The following CACNG2 variants were observed in gnomAD, a reference collection of about 807,000 sequenced individuals.
CACNG2 encodes the protein calcium voltage-gated channel auxiliary subunit gamma 2, also known as voltage-dependent calcium channel gamma-2 subunit.
In CACNG2, 3 loss-of-function variants were observed where a neutral mutation model predicts 25.9. The observed-to-expected ratio is 0.12, with a 90% CI of 0.05 to 0.30. The LOEUF is 0.30. Ranked by LOEUF, CACNG2 falls within the 10% of genes least tolerant of loss-of-function variation. The probability of loss-of-function intolerance (pLI) is 1.00; values close to 1 mark genes in which losing one functional copy is unlikely to be tolerated. For synonymous variants in CACNG2, 167 were observed against 173.3 expected, an observed-to-expected ratio of 0.96 and a Z score of 0.29; for missense variants, 341 against 432.5, an observed-to-expected ratio of 0.79 and a Z score of 1.88.
Position 36,622,149 on chromosome 22 carries a change from C to T in CACNG2, c.212-34601G>A, listed in dbSNP as rs534836567. 1.9e-4 allele frequency among the ~76,000 whole-genome samples: 29 copies of T among 152,334 alleles called. 1 individual carries two copies. In the South Asian group the frequency reaches 2.5e-3, roughly 13 times the overall value. On this transcript the variant is annotated intron_variant, in intron 1 of 3. Transcript: ENST00000300105. The stretch of plus-strand genomic sequence containing the variant: ...ACTTGTGCACACTTGTTTAGCTAGT[C>T]GGTGGAGGGGCAGGATTCAGACCTG...
intron 1 of CACNG2, among the ~76,000 whole-genome samples, chr22:36,654,008 GTGTGTT>G (rs1273600479): frequency 1.4e-4 from 21 of 149,044 alleles, no homozygotes; most frequent in Non-Finnish European, 2.5e-4. Flanking sequence ...GTGTGTGTGT[GTGTGTT>G]TATGTATGTG....
chr22:36,586,675 C>T (rs1052800049), intron 2 of CACNG2, among the ~76,000 whole-genome samples: 5 of 152,176 alleles, frequency 3.3e-5, no homozygotes, highest in South Asian at 2.1e-4. Flanking sequence ...GGAGCAGAGG[C>T]GGGGTTGCTC....
chr22:36,680,929 TCTGATTCTGGC>T (rs1276869932), intron 1 of CACNG2, among the ~76,000 whole-genome samples: 5 of 151,792 alleles, frequency 3.3e-5, no homozygotes, highest in Non-Finnish European at 7.4e-5. Flanking sequence ...TCTGAAAAAC[TCTGATTCTGGC>T]CTTTATGTCT....
At chr22:36,610,669 CG>C (rs1935926108) in intron 1 of CACNG2, among the ~76,000 whole-genome samples, 1 of 152,192 alleles carries the variant, frequency 6.6e-6, no homozygotes, top group African/African-American at 2.4e-5. Context: ...GATGAGAAAG[CG>C]GGGCCACCTC....
intron 1 of CACNG2, among the ~76,000 whole-genome samples, chr22:36,588,243 T>C (rs1935535221): frequency 6.6e-6 from 1 of 152,182 alleles, no homozygotes; most frequent in South Asian, 2.1e-4. Flanking sequence ...CTGAACTATC[T>C]GAGCAAGTGC....
intron 2 of CACNG2, among the ~76,000 whole-genome samples, chr22:36,573,757 C>T (rs1340849101): frequency 6.6e-6 from 1 of 152,204 alleles, no homozygotes; most frequent in East Asian, 1.9e-4. Flanking sequence ...CTAACCACTG[C>T]ATTCCCTTCT....
At chr22:36,594,909 CATGT>C (rs1355511967) in intron 1 of CACNG2, among the ~76,000 whole-genome samples, 21 of 129,810 alleles carry the variant, frequency 1.6e-4, no homozygotes, top group African/African-American at 5.9e-4. Context: ...TGTGTGTGTG[CATGT>C]GTGTGTCTGT....
rs775453133 is a variant in CACNG2, at chr22:36,562,212, G to A, written c.*2139C>T. 96 of 152,842 alleles carry A rather than the reference G, an allele frequency of 6.3e-4. No individual in the cohort carries two copies. The highest frequency in any genetic ancestry group is 1.3e-3 in the Admixed American group (20 of 15,288). 9.5% of individuals were successfully genotyped at this position (152,842 alleles called of 1,614,324 possible). ...GGAGGTATATGGTGTGTGTGTGTGTGTGTGTCTGAGAGGCTGACTGATGAT... is the reference window on the plus strand; with the variant it reads ...GGAGGTATATGGTGTGTGTGTGTGTATGTGTCTGAGAGGCTGACTGATGAT... On this transcript the variant is annotated 3_prime_UTR_variant, in exon 4 of 4. Transcript: ENST00000300105.
At chr22:36,585,242 T>C (rs533277492) in intron 2 of CACNG2, 2 of 152,126 alleles carry the variant, frequency 1.3e-5, no homozygotes, top group Non-Finnish European at 1.5e-5. Flanking sequence ...ACCAGTGACA[T>C]TGCAGCAAAG....
chr22:36,659,551 T>G (rs900168253), intron 1 of CACNG2, among the ~76,000 whole-genome samples: 1 of 150,594 alleles, frequency 6.6e-6, no homozygotes, highest in Non-Finnish European at 1.5e-5. Flanking sequence ...AAACCCAGGT[T>G]CTCTCCTGTG....
chr22:36,612,314 T>C (rs1285382300), intron 1 of CACNG2, among the ~76,000 whole-genome samples: 1 of 152,138 alleles, frequency 6.6e-6, no homozygotes, highest in African/African-American at 2.4e-5. Flanking sequence ...CTTAGAAGAG[T>C]ACTTTATGCA....
chr22:36,580,953 G>A (rs1420712905), intron 2 of CACNG2, among the ~76,000 whole-genome samples: 4 of 152,034 alleles, frequency 2.6e-5, no homozygotes, highest in African/African-American at 9.7e-5. Flanking sequence ...ACAGACATGC[G>A]GGTACCGAAA....
intron 2 of CACNG2, among the ~76,000 whole-genome samples, chr22:36,576,040 T>A (rs1484904464): frequency 1.3e-5 from 2 of 152,196 alleles, no homozygotes; most frequent in African/African-American, 2.4e-5. Context: ...GTGTAGCCAA[T>A]GGCCGTGAGA....
chr22:36,700,134 C>T (rs1937392951), intron 1 of CACNG2, among the ~76,000 whole-genome samples: 1 of 152,266 alleles, frequency 6.6e-6, no homozygotes, highest in African/African-American at 2.4e-5. Context: ...ACCCACAGTG[C>T]CTGTGCGCAT....
chr22:36,632,851 C>A (rs1476116339), intron 1 of CACNG2, among the ~76,000 whole-genome samples: 3 of 152,068 alleles, frequency 2.0e-5, no homozygotes, highest in Non-Finnish European at 4.4e-5. Flanking sequence ...ACCCTTCAAG[C>A]CTCCTTATCT....
chr22:36,625,495 C>T (rs1164698085), intron 1 of CACNG2, among the ~76,000 whole-genome samples: 1 of 152,194 alleles, frequency 6.6e-6, no homozygotes, highest in Non-Finnish European at 1.5e-5. Flanking sequence ...AGATAGCACC[C>T]TCACAAACTC....
intron 1 of CACNG2, among the ~76,000 whole-genome samples, chr22:36,589,635 CT>C: frequency 6.6e-6 from 1 of 152,154 alleles, no homozygotes; most frequent in Non-Finnish European, 1.5e-5. Flanking sequence ...CTTCTGGTCG[CT>C]TCACTGAAGC....
intron 1 of CACNG2, among the ~76,000 whole-genome samples, chr22:36,600,690 A>T (rs1569025558): frequency 6.6e-6 from 1 of 151,900 alleles, no homozygotes; most frequent in African/African-American, 2.4e-5. Flanking sequence ...GGAATTACAG[A>T]CACGCACCAC....
At chr22:36,642,137 C>T (rs138097182) in intron 1 of CACNG2, among the ~76,000 whole-genome samples, 48 of 152,190 alleles carry the variant, frequency 3.2e-4, no homozygotes, top group African/African-American at 1.1e-3. Context: ...ATCTCAAGGC[C>T]AAGGCTGTCA....
Sources: allele counts gnomAD v4.1 joint callset (sites outside exome capture counted in the v4.1 genomes callset), GRCh38; gene constraint gnomAD v4.1.1; transcripts MANE v1.5; gene names NCBI Gene and HGNC (gene_info 2026-07-23, HGNC 2026-07-21).